PPP2R2B: variants seen among roughly 807,000 people sequenced by gnomAD.
The protein encoded by PPP2R2B is protein phosphatase 2 regulatory subunit Bbeta, also known as serine/threonine-protein phosphatase 2A 55 kDa regulatory subunit B beta isoform.
A neutral mutation model predicts 46.0 loss-of-function variants in PPP2R2B; 5 were observed. That is an observed-to-expected ratio of 0.11 (90% CI 0.06 to 0.23). The LOEUF is 0.23. Among genes scored for constraint, PPP2R2B ranks in the 10% least tolerant of loss-of-function variants. The probability of loss-of-function intolerance (pLI) is 1.00; values close to 1 mark genes in which losing one functional copy is unlikely to be tolerated. For synonymous variants in PPP2R2B, 215 were observed against 206.7 expected (o/e 1.04, Z -0.34); for missense variants, 367 against 575.0 (o/e 0.64, Z 3.70).
intron 5 of PPP2R2B, among the ~76,000 whole-genome samples, chr5:146,670,516 G>GTCTCA (rs1777279057): frequency 1.1e-5 from 1 of 91,048 alleles, no homozygotes; most frequent in African/African-American, 3.9e-5. Context: ...TATTTATTGA[G>GTCTCA]ACAGAATCTT....
rs1762035129 is a variant in PPP2R2B at position 146,878,459 on chromosome 5, C to T, written c.-125+132G>A. The T allele has an allele frequency of 2.9e-6, 4 of 1,379,052 alleles. No homozygotes were observed. In the African/African-American group the frequency reaches 5.9e-5, roughly 20 times the overall value. The allele number at this position is 1,379,052 out of a possible 1,614,324, so 85.4% of individuals were successfully genotyped here. A position where few individuals can be genotyped will look rare whatever the true frequency, so the allele number is the denominator to read the frequency against. On this transcript the variant is annotated intron_variant, in intron 1 of 9. Transcript: ENST00000394411. This position sits in a 1 kb window ranked among gnomAD's most constrained non-coding sequence, Gnocchi z 4.5. The stretch of plus-strand genomic sequence containing the variant: ...CTGGGGAGATGCCCAACAGGTTCCC[C>T]TCCTTGGCAGCCGCTCCAAAATGCA...
chr5:146,693,932 G>T (rs985851813), intron 4 of PPP2R2B, among the ~76,000 whole-genome samples: 1 of 152,146 alleles, frequency 6.6e-6, no homozygotes, highest in Non-Finnish European at 1.5e-5. Flanking sequence ...GAGAAAAGCC[G>T]TCCCTCTGGG....
chr5:146,878,169 C>T lies in PPP2R2B; in HGVS notation c.-98G>A, dbSNP rs1762012034. 2 of 1,601,876 alleles carry T rather than the reference C, an allele frequency of 1.2e-6. No individual in the cohort carries two copies. Among genetic ancestry groups the T allele is most frequent in the African/African-American group, 1.3e-5 (1 of 74,656 alleles). On this transcript the variant is annotated 5_prime_UTR_variant, in exon 2 of 10. An upstream open reading frame in the 5' UTR gains an earlier in-frame stop. Transcript: ENST00000394411. This position sits in a 1 kb window ranked among gnomAD's most constrained non-coding sequence, Gnocchi z 4.5. ...CTCACAGGAGAGGGGGGCAGGGGAG[C>T]CAGTGGGACTGCACCATGGTCCGAG...
intron 2 of PPP2R2B, among the ~76,000 whole-genome samples, chr5:146,811,135 C>G (rs1203433392): frequency 6.6e-6 from 1 of 152,072 alleles, no homozygotes; most frequent in Non-Finnish European, 1.5e-5. Flanking sequence ...TCCCGAGTAG[C>G]TGGGATTACA....
intron 2 of PPP2R2B, among the ~76,000 whole-genome samples, chr5:146,774,249 C>T (rs144101044): frequency 4.6e-5 from 7 of 152,250 alleles, no homozygotes; most frequent in African/African-American, 1.7e-4. Flanking sequence ...GAAGCTATTT[C>T]ACATATAATG....
chr5:147,008,767 C>T (rs941337132), intron 1 of PPP2R2B, among the ~76,000 whole-genome samples: 1 of 152,184 alleles, frequency 6.6e-6, no homozygotes, highest in East Asian at 1.9e-4. Context: ...CACACATCAT[C>T]TTTGATAAGT....
intron 1 of PPP2R2B, among the ~76,000 whole-genome samples, chr5:146,922,767 G>A (rs1227742578): frequency 6.6e-6 from 1 of 152,102 alleles, no homozygotes; most frequent in East Asian, 1.9e-4. Context: ...ACATCCCATT[G>A]GCTTTGCTGC....
intron 2 of PPP2R2B, among the ~76,000 whole-genome samples, chr5:146,791,962 G>A (rs1222503882): frequency 6.6e-6 from 1 of 152,144 alleles, no homozygotes; most frequent in East Asian, 1.9e-4. Flanking sequence ...ACTGAATATA[G>A]GGAATAGATT....
intron 2 of PPP2R2B, among the ~76,000 whole-genome samples, chr5:146,730,480 A>G (rs1218641801): frequency 1.3e-5 from 2 of 152,160 alleles, no homozygotes; most frequent in Non-Finnish European, 2.9e-5. Context: ...GGCCAAGGGC[A>G]GAATGATATG....
chr5:146,830,211 C>T (rs1758842377), intron 2 of PPP2R2B, among the ~76,000 whole-genome samples: 1 of 152,186 alleles, frequency 6.6e-6, no homozygotes, highest in African/African-American at 2.4e-5. Context: ...GATGAATCTT[C>T]TTCAGTTTAC....
chr5:146,730,457 T>C (rs974096122), intron 2 of PPP2R2B, among the ~76,000 whole-genome samples: 2 of 152,138 alleles, frequency 1.3e-5, no homozygotes, highest in Non-Finnish European at 2.9e-5. Flanking sequence ...TGTGGAGACG[T>C]GAAATTTGGA....
chr5:146,979,016 C>T (rs1404351938), intron 1 of PPP2R2B, among the ~76,000 whole-genome samples: 19 of 152,184 alleles, frequency 1.2e-4, no homozygotes, highest in Non-Finnish European at 2.4e-4. Context: ...TTCTCCATTT[C>T]ACCTGGAGGA....
intron 2 of PPP2R2B, among the ~76,000 whole-genome samples, chr5:146,827,333 T>C (rs1163226471): frequency 6.6e-6 from 1 of 152,206 alleles, no homozygotes; most frequent in Non-Finnish European, 1.5e-5. Flanking sequence ...GTAAATTCTG[T>C]TCTCAGCTAC....
At chr5:146,995,944 C>T (rs1025078144) in intron 1 of PPP2R2B, among the ~76,000 whole-genome samples, 1 of 152,168 alleles carries the variant, frequency 6.6e-6, no homozygotes, top group Non-Finnish European at 1.5e-5. Context: ...TGCCATGCTT[C>T]AATTTGTTCT....
chr5:146,596,155 A>C (rs1771150378), intron 8 of PPP2R2B, among the ~76,000 whole-genome samples: 1 of 152,168 alleles, frequency 6.6e-6, no homozygotes, highest in Admixed American at 6.5e-5. Flanking sequence ...GTCTTAATAA[A>C]ATTTACCTAC....
intron 1 of PPP2R2B, among the ~76,000 whole-genome samples, chr5:146,945,124 T>C (rs1251485128): frequency 6.6e-6 from 1 of 152,202 alleles, no homozygotes; most frequent in Non-Finnish European, 1.5e-5. Context: ...TAAATCTCTG[T>C]AACTCCTGAT....
chr5:146,750,574 T>C (rs941571976), intron 2 of PPP2R2B, among the ~76,000 whole-genome samples: 5 of 152,080 alleles, frequency 3.3e-5, no homozygotes, highest in Non-Finnish European at 7.4e-5. Flanking sequence ...AAGAAAACAA[T>C]AACTCAATCA....
At chr5:146,988,378 G>A (rs1367506483) in intron 1 of PPP2R2B, among the ~76,000 whole-genome samples, 1 of 151,886 alleles carries the variant, frequency 6.6e-6, no homozygotes, top group South Asian at 2.1e-4. Context: ...CACAACACAA[G>A]TCTTCACAAA....
chr5:146,595,437 A>G (rs1279108254), intron 8 of PPP2R2B, among the ~76,000 whole-genome samples: 3 of 152,204 alleles, frequency 2.0e-5, no homozygotes, highest in Non-Finnish European at 4.4e-5. Context: ...CAGTGTTTCT[A>G]TAAGTGTCAA....
Sources: allele counts gnomAD v4.1 joint callset (sites outside exome capture counted in the v4.1 genomes callset), GRCh38; gene constraint gnomAD v4.1.1; non-coding constraint Gnocchi (gnomAD v3.1); transcripts MANE v1.5; gene names NCBI Gene and HGNC (gene_info 2026-07-23, HGNC 2026-07-21).